Variants in SDR42E1 observed in about 807,000 individuals in gnomAD.
SDR42E1 encodes the protein short-chain dehydrogenase/reductase family 42E member 1.
Under a neutral mutation model 2.6 loss-of-function variants are expected in SDR42E1, and 5 were observed. The ratio of observed to expected loss-of-function variants is 1.94; its 90% confidence interval spans 1.01 to 4.08. SDR42E1 has a LOEUF of 4.08. SDR42E1 is among the 30% of genes most tolerant of loss of function. The probability of loss-of-function intolerance (pLI) is 0.00; values close to 1 mark genes in which losing one functional copy is unlikely to be tolerated. For synonymous variants in SDR42E1, 231 were observed against 188.3 expected (o/e 1.23, Z -1.86); for missense variants, 596 against 478.6 (o/e 1.25, Z -2.29).
At chr16:82,002,974 C>T (rs528959880) in intron 1 of SDR42E1, among the ~76,000 whole-genome samples, 27 of 152,136 alleles carry the variant, frequency 1.8e-4, no homozygotes, top group Admixed American at 1.6e-3. Context: ...CTCAAAAGCA[C>T]AGGGTTACAA....
In SDR42E1 at chr16:81,994,502, G is replaced by C. The variant is rs1429638186; in HGVS notation, c.*4609C>G. On this transcript the variant is annotated 3_prime_UTR_variant, in exon 3 of 3. Coordinates refer to ENST00000328945, the MANE Select transcript of SDR42E1 (RefSeq NM_145168.3). ...CGGTCAGGCCTGCATGTGGAGGTCA[G>C]CCCCACGAAAGGGCTGGGAGGGACT... 1 of 152,266 alleles carries C rather than the reference G, an allele frequency of 6.6e-6. No individual in the cohort carries two copies. The highest frequency in any genetic ancestry group is 2.4e-5 in the African/African-American group (1 of 41,460). 9.4% of individuals were successfully genotyped at this position (152,266 alleles called of 1,614,324 possible).
rs1912546873 is a variant in SDR42E1, at chr16:81,996,604, T to A, written c.*2507A>T. ...ATATGAGTCTGGAGCCCAGGAGTGG[T>A]CTGGAACTGTACATCTAGTAGTACA... On this transcript the variant is annotated 3_prime_UTR_variant, in exon 3 of 3. Coordinates refer to ENST00000328945, the MANE Select transcript of SDR42E1 (RefSeq NM_145168.3). The A allele has an allele frequency of 1.3e-5, 2 of 151,958 alleles. No individual in the cohort carries two copies. The highest frequency in any genetic ancestry group is 2.9e-5 in the Non-Finnish European group (2 of 68,010). The allele number at this position is 151,958 out of a possible 1,614,324, so 9.4% of individuals were successfully genotyped here. A position where few individuals can be genotyped will look rare whatever the true frequency, so the allele number is the denominator to read the frequency against.
At chr16:82,003,281 G>C (rs1033369841) in intron 1 of SDR42E1, among the ~76,000 whole-genome samples, 3 of 152,222 alleles carry the variant, frequency 2.0e-5, no homozygotes, top group African/African-American at 7.2e-5. Context: ...GCACCTAACA[G>C]TGACCTTGTG....
In SDR42E1 at chr16:81,998,286, G is replaced by T. The variant is rs2143840868; in HGVS notation, c.*825C>A. 1 of 152,248 alleles carries T rather than the reference G, an allele frequency of 6.6e-6. No individual in the cohort carries two copies. Among genetic ancestry groups the T allele is most frequent in the African/African-American group, 2.4e-5 (1 of 41,538 alleles). The allele number at this position is 152,248 out of a possible 1,614,324, so 9.4% of individuals were successfully genotyped here. On this transcript the variant is annotated 3_prime_UTR_variant, in exon 3 of 3. Transcript: ENST00000328945. ...TTGCTTCATTGTGGCCTTCTTAGAGGCCTAAACTTTACAAATAGAGTATAT... is the reference window on the plus strand; with the variant it reads ...TTGCTTCATTGTGGCCTTCTTAGAGTCCTAAACTTTACAAATAGAGTATAT...
intron 2 of SDR42E1, chr16:82,000,518 A>G (rs557552340): frequency 3.4e-6 from 2 of 590,076 alleles, no homozygotes; most frequent in Non-Finnish European, 6.0e-6. Context: ...TTTGTGAATA[A>G]TAAGATAACT....
At chr16:82,006,479 T>TA (rs1912938975) in intron 1 of SDR42E1, among the ~76,000 whole-genome samples, 1 of 152,040 alleles carries the variant, frequency 6.6e-6, no homozygotes, top group African/African-American at 2.4e-5. Flanking sequence ...CTGATACAGA[T>TA]AAAAGAGATG....
At chr16:82,009,802 G>T (rs935412522) in intron 1 of SDR42E1, among the ~76,000 whole-genome samples, 1 of 152,176 alleles carries the variant, frequency 6.6e-6, no homozygotes, top group Non-Finnish European at 1.5e-5. Flanking sequence ...GATTTGGGAG[G>T]GGCCAGGGGC....
Position 81,990,871 on chromosome 16 carries a change from GTTCACCCTT to G in SDR42E1, c.*8231_*8239del, listed in dbSNP as rs1912410243. 6.6e-6 allele frequency: 1 copy of G among 152,178 alleles called. No homozygotes were observed. The highest frequency in any genetic ancestry group is 1.5e-5 in the Non-Finnish European group (1 of 68,032). 9.4% of individuals were successfully genotyped at this position (152,178 alleles called of 1,614,324 possible). A position where few individuals can be genotyped will look rare whatever the true frequency, so the allele number is the denominator to read the frequency against. On this transcript the variant is annotated 3_prime_UTR_variant, in exon 3 of 3. Coordinates refer to ENST00000328945, the MANE Select transcript of SDR42E1 (RefSeq NM_145168.3). Reference sequence around the variant, plus strand: ...TCCACTGTGAAGTGCTTTGTAAAAAGTTCACCCTTCTTTGGGAGAATTTAAACATCTAAG... The same window carrying G: ...TCCACTGTGAAGTGCTTTGTAAAAAGCTTTGGGAGAATTTAAACATCTAAG...
rs1285099636 is a variant in SDR42E1 at position 81,991,830 on chromosome 16, T to A, written c.*7281A>T. The stretch of plus-strand genomic sequence containing the variant: ...GCAAGGTACTGCATCTCCCTAAGCC[T>A]CAGTTTCCTCCCATGTAAACTGGAG... On this transcript the variant is annotated 3_prime_UTR_variant, in exon 3 of 3. Coordinates refer to ENST00000328945, the MANE Select transcript of SDR42E1 (RefSeq NM_145168.3). The A allele has an allele frequency of 1.3e-5, 2 of 152,068 alleles. No individual in the cohort carries two copies. Among genetic ancestry groups the A allele is most frequent in the African/African-American group, 4.8e-5 (2 of 41,394 alleles). The allele number at this position is 152,068 out of a possible 1,614,324, so 9.4% of individuals were successfully genotyped here. A position where few individuals can be genotyped will look rare whatever the true frequency, so the allele number is the denominator to read the frequency against.
rs1294163447 is a variant in SDR42E1, at chr16:81,999,015, A to G, written c.*96T>C. 12 of 1,328,534 alleles carry G rather than the reference A, an allele frequency of 9.0e-6. No individual in the cohort carries two copies. The highest frequency in any genetic ancestry group is 2.4e-5 in the Admixed American group (1 of 41,490). 82.3% of individuals were successfully genotyped at this position (1,328,534 alleles called of 1,614,324 possible). A position where few individuals can be genotyped will look rare whatever the true frequency, so the allele number is the denominator to read the frequency against. On this transcript the variant is annotated 3_prime_UTR_variant, in exon 3 of 3. Coordinates refer to ENST00000328945, the MANE Select transcript of SDR42E1 (RefSeq NM_145168.3). ...TCTTAAGTAGCAATTTGAAGAGCCA[A>G]TGTTTGGCACCAGATATCACTGTAC...
At position 81,999,340 on chromosome 16, in the gene SDR42E1, T is replaced by C; in HGVS notation, c.953A>G (p.Lys318Arg). The stretch of plus-strand genomic sequence containing the variant: ...GCTAAAATAATGTGTGACACCAGTT[T>C]TGTAAACTTCAGTGCGAGTGAGGAA... ...QPFLTRTEVYKTGVTHYFSLE... is the reference protein window; with the variant it reads ...QPFLTRTEVYRTGVTHYFSLE... The change falls in exon 3 of 3, where the codon AAA becomes AGA. Residue 318 changes from lysine (K) to arginine (R), a missense_variant. Lys to Arg is a conservative substitution (Grantham distance 26). Transcript: ENST00000328945. 3 of 1,614,224 alleles carry C rather than the reference T, an allele frequency of 1.9e-6. No homozygotes were observed. The highest frequency in any genetic ancestry group is 1.7e-6 in the Non-Finnish European group (2 of 1,180,046).
chr16:82,002,835 T>A (rs1912813401), intron 1 of SDR42E1, among the ~76,000 whole-genome samples: 1 of 152,182 alleles, frequency 6.6e-6, no homozygotes, highest in African/African-American at 2.4e-5. Flanking sequence ...GTGCAAAAAA[T>A]GTCCAACAAA....
chr16:81,996,005 G>A lies in SDR42E1; in HGVS notation c.*3106C>T, dbSNP rs552696039. The stretch of plus-strand genomic sequence containing the variant: ...TAAACATTATTCAGGCCAAAAGGAG[G>A]AGCAGGGAGCCTGAGAAGCTTGGAG... On this transcript the variant is annotated 3_prime_UTR_variant, in exon 3 of 3. Transcript: ENST00000328945. The A allele has an allele frequency of 3.3e-5, 5 of 152,400 alleles. No homozygotes were observed. The highest frequency in any genetic ancestry group is 9.6e-5 in the African/African-American group (4 of 41,552). The allele number at this position is 152,400 out of a possible 1,614,324, so 9.4% of individuals were successfully genotyped here.
chr16:81,998,893 C>G lies in SDR42E1; in HGVS notation c.*218G>C. 1.7e-6 allele frequency: 1 copy of G among 589,948 alleles called. No homozygotes were observed. The highest frequency in any genetic ancestry group is 2.9e-6 in the Non-Finnish European group (1 of 341,184). The allele number at this position is 589,948 out of a possible 1,614,324, so 36.5% of individuals were successfully genotyped here. A position where few individuals can be genotyped will look rare whatever the true frequency, so the allele number is the denominator to read the frequency against. On this transcript the variant is annotated 3_prime_UTR_variant, in exon 3 of 3. Transcript: ENST00000328945. Reference sequence around the variant, plus strand: ...ACCCACCTAAAACAGAAGCACATAACAAATCAAATTTCAAACTAATCTCTG... The same window carrying G: ...ACCCACCTAAAACAGAAGCACATAAGAAATCAAATTTCAAACTAATCTCTG...
At chr16:82,010,721 C>A (rs1026440316) in intron 1 of SDR42E1, among the ~76,000 whole-genome samples, 1 of 152,226 alleles carries the variant, frequency 6.6e-6, no homozygotes, top group African/African-American at 2.4e-5. Flanking sequence ...GTTCTTGTCT[C>A]ATGTCTCCCT....
At position 81,991,441 on chromosome 16, in the gene SDR42E1, G is replaced by C. The variant is rs531852471; in HGVS notation, c.*7670C>G. On this transcript the variant is annotated 3_prime_UTR_variant, in exon 3 of 3. Coordinates refer to ENST00000328945, the MANE Select transcript of SDR42E1 (RefSeq NM_145168.3). Reference sequence around the variant, plus strand: ...CCAACAAGGTAAGAGTTTGGGCCAGGCTCGGTGGCTCATACCTGTAATCCC... The same window carrying C: ...CCAACAAGGTAAGAGTTTGGGCCAGCCTCGGTGGCTCATACCTGTAATCCC... 1 of 152,154 alleles carries C rather than the reference G, an allele frequency of 6.6e-6. No homozygotes were observed. The highest frequency in any genetic ancestry group is 2.1e-4 in the South Asian group (1 of 4,824). 9.4% of individuals were successfully genotyped at this position (152,154 alleles called of 1,614,324 possible). A position where few individuals can be genotyped will look rare whatever the true frequency, so the allele number is the denominator to read the frequency against.
Position 81,995,862 on chromosome 16 carries a change from T to C in SDR42E1, c.*3249A>G, listed in dbSNP as rs1912530074. On this transcript the variant is annotated 3_prime_UTR_variant, in exon 3 of 3. Transcript: ENST00000328945. ...ATGTTTACAGTTATGAGCAATGCTATAAAAGAAAGGCAGGAAGCTATGACA... is the reference window on the plus strand; with the variant it reads ...ATGTTTACAGTTATGAGCAATGCTACAAAAGAAAGGCAGGAAGCTATGACA... 6.6e-6 allele frequency: 1 copy of C among 152,154 alleles called. No individual in the cohort carries two copies. Among genetic ancestry groups the C allele is most frequent in the Non-Finnish European group, 1.5e-5 (1 of 68,030 alleles). The allele number at this position is 152,154 out of a possible 1,614,324, so 9.4% of individuals were successfully genotyped here.
rs1205864052 is a variant in SDR42E1 at position 81,990,488 on chromosome 16, A to T, written c.*8623T>A. 6.6e-6 allele frequency: 1 copy of T among 152,200 alleles called. No individual in the cohort carries two copies. Among genetic ancestry groups the T allele is most frequent in the Non-Finnish European group, 1.5e-5 (1 of 68,044 alleles). The allele number at this position is 152,200 out of a possible 1,614,324, so 9.4% of individuals were successfully genotyped here. A position where few individuals can be genotyped will look rare whatever the true frequency, so the allele number is the denominator to read the frequency against. The stretch of plus-strand genomic sequence containing the variant: ...CTCAAACTCCACTAGCATGTCTTGC[A>T]TCTCTTCCTGTAGACACCAGCTTCC... On this transcript the variant is annotated 3_prime_UTR_variant, in exon 3 of 3. Transcript: ENST00000328945.
At position 81,996,765 on chromosome 16, in the gene SDR42E1, A is replaced by C. The variant is rs1912549780; in HGVS notation, c.*2346T>G. 6.6e-6 allele frequency: 1 copy of C among 152,210 alleles called. No homozygotes were observed. Among genetic ancestry groups the C allele is most frequent in the African/African-American group, 2.4e-5 (1 of 41,458 alleles). The allele number at this position is 152,210 out of a possible 1,614,324, so 9.4% of individuals were successfully genotyped here. A position where few individuals can be genotyped will look rare whatever the true frequency, so the allele number is the denominator to read the frequency against. ...TTTCAAGCTGGAGTGGGAGACAGTA[A>C]CAGAATTGGGGAGATATGGAAGCAG... On this transcript the variant is annotated 3_prime_UTR_variant, in exon 3 of 3. Transcript: ENST00000328945.
Sources: allele counts gnomAD v4.1 joint callset (sites outside exome capture counted in the v4.1 genomes callset), GRCh38; gene constraint gnomAD v4.1.1; transcripts MANE v1.5; gene names NCBI Gene and HGNC (gene_info 2026-07-23, HGNC 2026-07-21).